The following PHKA1 variants were observed in gnomAD, a reference collection of about 807,000 sequenced individuals.
PHKA1 encodes phosphorylase b kinase regulatory subunit alpha, skeletal muscle isoform.
Under a neutral mutation model 110.2 loss-of-function variants are expected in PHKA1, and 60 were observed. The observed-to-expected ratio is 0.54, with a 90% CI of 0.44 to 0.68. PHKA1 has a LOEUF of 0.68. Among genes scored for constraint, PHKA1 ranks in the 30% least tolerant of loss-of-function variants. The probability of loss-of-function intolerance (pLI) is 0.00; values close to 1 mark genes in which losing one functional copy is unlikely to be tolerated. For missense variants in PHKA1, 801 were observed against 942.5 expected (o/e 0.85, Z 1.97); for synonymous variants, 316 against 333.6 (o/e 0.95, Z 0.58).
At chrX:72,672,109 A>G (rs1303154625) in intron 6 of PHKA1, among the ~76,000 whole-genome samples, 7 of 111,958 alleles carry the variant, frequency 6.3e-5, no homozygotes, top group Middle Eastern at 4.6e-3. Flanking sequence ...TTAACACCAC[A>G]TGGATACCTT....
intron 18 of PHKA1, among the ~76,000 whole-genome samples, chrX:72,621,452 T>G (rs1361047699): frequency 8.9e-6 from 1 of 111,919 alleles, no homozygotes; most frequent in Non-Finnish European, 1.9e-5. Context: ...GGGCTCCCCT[T>G]CTCCCATATA....
intron 21 of PHKA1, among the ~76,000 whole-genome samples, chrX:72,612,631 A>T (rs1419693006): frequency 8.9e-6 from 1 of 111,737 alleles, no homozygotes; most frequent in Non-Finnish European, 1.9e-5. Flanking sequence ...AAATTATGAT[A>T]TATTCAAATA....
At chrX:72,643,430 C>A (rs2053322610) in intron 14 of PHKA1, among the ~76,000 whole-genome samples, 1 of 111,565 alleles carries the variant, frequency 9.0e-6, no homozygotes, top group South Asian at 3.8e-4. Flanking sequence ...TAAAACAACA[C>A]AGATTTATAC....
chrX:72,666,273 G>A lies in PHKA1; in HGVS notation c.742C>T (p.Arg248Cys), dbSNP rs1382212255. 17 of 1,207,795 alleles carry A rather than the reference G, an allele frequency of 1.4e-5. No individual in the cohort carries two copies. In the Admixed American group the frequency reaches 2.0e-4, roughly 14 times the overall value. ...CQSILNSLLP[R>C]ASTSKEVDAS... ...TCAACCTCTTTTGATGTTGAAGCAC[G>A]GGGCAGTAGTGAATTTAGGATAGAC... The change falls in exon 8 of 32, where the codon CGT becomes TGT. Residue 248 changes from arginine (R) to cysteine (C), a missense_variant. By Grantham distance (180) the Arg-to-Cys change is radical (BLOSUM62 -3). Transcript: ENST00000373542.
At chrX:72,621,781 G>A in intron 18 of PHKA1, 3 of 751,675 alleles carry the variant, frequency 4.0e-6, no homozygotes, top group Non-Finnish European at 4.7e-6. Context: ...AGAGACTTGA[G>A]TGGAGGATTA....
rs1416022313 is a variant in PHKA1, at chrX:72,578,833, A to G, written c.*2169T>C. 2 of 111,668 alleles carry G rather than the reference A, an allele frequency of 1.8e-5. No individual in the cohort carries two copies. The highest frequency in any genetic ancestry group is 3.8e-5 in the Non-Finnish European group (2 of 53,178). The allele number at this position is 111,668 out of a possible 1,213,427, so 9.2% of individuals were successfully genotyped here. The stretch of plus-strand genomic sequence containing the variant: ...CACATGTGAAGTTTTGCACATTGGC[A>G]CCAGACATGATTTAATTGGAAATTC... On this transcript the variant is annotated 3_prime_UTR_variant, in exon 32 of 32. Transcript: ENST00000373542.
chrX:72,620,529 T>C (rs1405570738), intron 19 of PHKA1, among the ~76,000 whole-genome samples, 196 bp downstream of exon 19: 1 of 112,180 alleles, frequency 8.9e-6, no homozygotes, highest in Non-Finnish European at 1.9e-5. Context: ...TAGCACTACC[T>C]GCAGCATAAC....
chrX:72,601,071 T>C (rs782392091), intron 28 of PHKA1, among the ~76,000 whole-genome samples: 1 of 111,209 alleles, frequency 9.0e-6, no homozygotes, highest in African/African-American at 3.3e-5. Flanking sequence ...AAAAAGAAGC[T>C]ATGGAAGCTT....
intron 28 of PHKA1, among the ~76,000 whole-genome samples, chrX:72,597,112 T>C (rs1556235142): frequency 8.9e-6 from 1 of 111,890 alleles, no homozygotes; most frequent in African/African-American, 3.2e-5. Context: ...ATTAAGCCCA[T>C]TGTGCAGAAA....
intron 31 of PHKA1, 84 bp downstream of exon 31, chrX:72,582,314 G>A: frequency 1.5e-6 from 1 of 662,883 alleles, no homozygotes; most frequent in Admixed American, 2.3e-5. Flanking sequence ...ACAAGAAAGT[G>A]ACCGTGGCTC....
chrX:72,657,051 T>G (rs1046373618), intron 9 of PHKA1, among the ~76,000 whole-genome samples: 13 of 112,106 alleles, frequency 1.2e-4, no homozygotes, highest in Non-Finnish European at 2.1e-4. Context: ...TGAAAGTGCT[T>G]CATATTGACT....
At chrX:72,609,524 T>C (rs1279302228) in intron 23 of PHKA1, 100 bp downstream of exon 23, 1 of 596,426 alleles carries the variant, frequency 1.7e-6, no homozygotes, top group Non-Finnish European at 3.0e-6. Flanking sequence ...GAGGTGAACA[T>C]ATGTAGGACA....
rs144838057 is a variant in PHKA1, at chrX:72,708,986, G to A, written c.238-3741C>T. ...AATAACAGAAAAAGAGATTGTTGATGAGTTTCCATTGTTTTGTAGTTTGTT... is the reference window on the plus strand; with the variant it reads ...AATAACAGAAAAAGAGATTGTTGATAAGTTTCCATTGTTTTGTAGTTTGTT... On this transcript the variant is annotated intron_variant, in intron 2 of 31. Coordinates refer to ENST00000373542, the MANE Select transcript of PHKA1 (RefSeq NM_002637.4). 3.1e-3 allele frequency among the ~76,000 whole-genome samples: 346 copies of A among 111,584 alleles called. 1 individual carries two copies. The highest frequency in any genetic ancestry group is 0.011 in the African/African-American group (336 of 30,738).
intron 28 of PHKA1, among the ~76,000 whole-genome samples, chrX:72,593,926 T>C: frequency 8.9e-6 from 1 of 112,111 alleles, no homozygotes; most frequent in Non-Finnish European, 1.9e-5. Context: ...TCATGGGCCA[T>C]AAGATGAGCC....
At position 72,713,854 on chromosome X, in the gene PHKA1, G is replaced by A. The variant is rs1265731013; in HGVS notation, c.27C>T (p.Val9=). 1.7e-6 allele frequency: 2 copies of A among 1,206,915 alleles called. No homozygotes were observed. Among genetic ancestry groups the A allele is most frequent in the Non-Finnish European group, 1.1e-6 (1 of 892,151 alleles). The change falls in exon 1 of 32, where the codon GTC becomes GTT. Residue 9 remains valine (V), a synonymous_variant. Coordinates refer to ENST00000373542, the MANE Select transcript of PHKA1 (RefSeq NM_002637.4). ...CCAGTCGAGCGTAGCCGTCCAGCCG[G>A]ACCCCGGAGTTACTCCGGCTCCTCA... The part of the protein sequence containing the change: MRSRSNSG[V]RLDGYARLVQ...
Position 72,582,373 on chromosome X carries a change from T to C in PHKA1, c.3498+25A>G, listed in dbSNP as rs781896681. 20 of 1,087,186 alleles carry C rather than the reference T, an allele frequency of 1.8e-5. No individual in the cohort carries two copies. In the East Asian group the frequency reaches 4.2e-4, roughly 23 times the overall value. The allele number at this position is 1,087,186 out of a possible 1,213,427, so 89.6% of individuals were successfully genotyped here. On this transcript the variant is annotated intron_variant, in intron 31 of 31. Transcript: ENST00000373542. The stretch of plus-strand genomic sequence containing the variant: ...AGGTTGGAGTAAAAACATTTCTCTA[T>C]TGAGAAAACAACAGGTTTGCCTACC...
intron 14 of PHKA1, among the ~76,000 whole-genome samples, chrX:72,643,324 C>A (rs1250873437): frequency 1.8e-5 from 2 of 111,556 alleles, no homozygotes; most frequent in Non-Finnish European, 3.8e-5. Flanking sequence ...AATCCACTAC[C>A]TAAGATCCAA....
rs144475076 is a variant in PHKA1, at chrX:72,665,717, T to C, written c.864+434A>G. Reference sequence around the variant, plus strand: ...ATCAAGTTGGTACCTTGTATCTTTTTATTGTTGAGCAGTATTCTACTGCAT... The same window carrying C: ...ATCAAGTTGGTACCTTGTATCTTTTCATTGTTGAGCAGTATTCTACTGCAT... On this transcript the variant is annotated intron_variant, in intron 8 of 31. Transcript: ENST00000373542. 3.0e-3 allele frequency among the ~76,000 whole-genome samples: 341 copies of C among 112,386 alleles called. 1 individual carries two copies. Among genetic ancestry groups the C allele is most frequent in the African/African-American group, 0.011 (332 of 30,995 alleles).
chrX:72,667,584 C>T, intron 6 of PHKA1, 111 bp from the exon 7 acceptor site: 1 of 560,194 alleles, frequency 1.8e-6, no homozygotes, highest in Non-Finnish European at 3.0e-6. Context: ...TTGAATATGT[C>T]TGACAGAATA....
Sources: gnomAD v4.1 joint callset for allele counts (sites outside exome capture counted in the v4.1 genomes callset) on GRCh38, gnomAD v4.1.1 for gene constraint, MANE v1.5 for transcripts, NCBI Gene and HGNC (gene_info 2026-07-23, HGNC 2026-07-21) for gene names.